The following UQCRC1 variants were observed in gnomAD, a reference collection of about 807,000 sequenced individuals.
UQCRC1 encodes the protein cytochrome b-c1 complex subunit 1, mitochondrial.
A neutral mutation model predicts 58.0 loss-of-function variants in UQCRC1; 34 were observed. That is an observed-to-expected ratio of 0.59 (90% CI 0.45 to 0.78). The LOEUF (loss-of-function observed/expected upper bound fraction) is 0.78. Ranked by LOEUF, UQCRC1 falls within the 30% of genes least tolerant of loss-of-function variation. UQCRC1 has a pLI of 0.00. For synonymous variants in UQCRC1, 276 were observed against 248.8 expected (o/e 1.11, Z -1.03); for missense variants, 610 against 646.0 (o/e 0.94, Z 0.60).
chr3:48,604,725 G>C lies in UQCRC1; in HGVS notation c.353C>G (p.Ala118Gly), dbSNP rs750704286. The C allele has an allele frequency of 6.2e-7, 1 of 1,614,080 alleles. No individual in the cohort carries two copies. The highest frequency in any genetic ancestry group is 1.1e-5 in the South Asian group (1 of 91,082). The change falls in exon 4 of 13, where the codon GCC (alanine) becomes GGC (glycine). Residue 118 changes from alanine to glycine, a missense_variant. Coordinates refer to ENST00000203407, the MANE Select transcript of UQCRC1 (RefSeq NM_003365.3). ...CCGGGTGCTGTAGGCATTAAGATGG[G>C]CCCCCATGCTCTCCACCTCCTTCTC... Reference protein sequence around the residue: ...ALEKEVESMGAHLNAYSTREH... With the variant: ...ALEKEVESMGGHLNAYSTREH...
intron 10 of UQCRC1, 123 bp downstream of exon 10, chr3:48,600,359 T>C (rs2046352606): frequency 1.3e-5 from 16 of 1,255,748 alleles, no homozygotes; most frequent in Admixed American, 1.9e-5. Context: ...GGTGGGGTGA[T>C]GGGGCATGGC....
At chr3:48,609,367 T>G in intron 1 of UQCRC1, 65 bp from the exon 2 acceptor site, 1 of 1,561,156 alleles carries the variant, frequency 6.4e-7, no homozygotes, top group African/African-American at 1.4e-5. Flanking sequence ...TCCCAGGTCC[T>G]CAGGAGGACC....
rs773347490 is a variant in UQCRC1, at chr3:48,600,555, A to T, written c.1140T>A (p.Cys380Ter). The change falls in exon 10 of 13, where the codon TGT (cysteine) becomes TGA (stop). Residue 380 changes from cysteine (C) to a stop codon, truncating the protein, a stop_gained. Coordinates refer to ENST00000203407, the MANE Select transcript of UQCRC1 (RefSeq NM_003365.3). LOFTEE classifies it high-confidence loss of function. ...FVLQGQWMRL[C>*]TSATESEVAR... ...CCACCTCACTCTCCGTGGCACTGGT[A>T]CACAGGCGCATCCTAAAGTGGGGGG... is the stretch of plus-strand genomic sequence containing the variant. 6.2e-7 allele frequency: 1 copy of T among 1,614,138 alleles called. No individual in the cohort carries two copies. Among genetic ancestry groups the T allele is most frequent in the Admixed American group, 1.7e-5 (1 of 60,012 alleles).
intron 6 of UQCRC1, among the ~76,000 whole-genome samples, chr3:48,603,220 C>T (rs574119576): frequency 1.3e-5 from 2 of 152,324 alleles, no homozygotes; most frequent in Admixed American, 1.3e-4. Context: ...CATGCATCAA[C>T]ACACAACTAA....
chr3:48,608,264 G>A (rs1193530418), intron 2 of UQCRC1, among the ~76,000 whole-genome samples: 5 of 152,214 alleles, frequency 3.3e-5, no homozygotes, highest in African/African-American at 7.2e-5. Context: ...CCTAAGAGAT[G>A]TCAATGCATA....
In UQCRC1 at chr3:48,604,279, C is replaced by T. The variant is rs1178544864; in HGVS notation, c.580G>A (p.Gly194Ser). Residue 194 changes from glycine to serine, a missense_variant, in exon 5 of 13, where the codon GGC (glycine) becomes AGC (serine). Gly to Ser is a moderately conservative substitution (Grantham distance 56). Coordinates refer to ENST00000203407, the MANE Select transcript of UQCRC1 (RefSeq NM_003365.3). ...TCCACAGCCTGGGCTAGAGGTGTGC[C>T]CTGGAATGCTGTGGCATGCAGGTAG... ...FNYLHATAFQ[G>S]TPLAQAVEGP... is the part of the protein sequence containing the mutation. 6.2e-7 allele frequency: 1 copy of T among 1,613,334 alleles called. No homozygotes were observed. The highest frequency in any genetic ancestry group is 8.5e-7 in the Non-Finnish European group (1 of 1,180,056).
chr3:48,608,198 G>A (rs1032415470), intron 2 of UQCRC1, among the ~76,000 whole-genome samples: 1 of 152,134 alleles, frequency 6.6e-6, no homozygotes, highest in Non-Finnish European at 1.5e-5. Flanking sequence ...CTCTACATCT[G>A]TATGTACGTA....
Position 48,600,836 on chromosome 3 carries a change from A to G in UQCRC1, c.971T>C (p.Leu324Pro), listed in dbSNP as rs1198770712. ...YDCTYGGGVHLSSPLASGAVA... is the reference protein window; with the variant it reads ...YDCTYGGGVHPSSPLASGAVA... The stretch of plus-strand genomic sequence containing the variant: ...AGCACCTGAAGCCAGTGGGCTGGAC[A>G]GGTGCTGCCAGGGGGATAGGTGGTC... The change falls in exon 9 of 13, where the codon CTG becomes CCG. Residue 324 changes from leucine to proline, a missense_variant. Leu to Pro is a moderately conservative substitution (Grantham distance 98, BLOSUM62 -3). Coordinates refer to ENST00000203407, the MANE Select transcript of UQCRC1 (RefSeq NM_003365.3). 6.2e-7 allele frequency: 1 copy of G among 1,613,764 alleles called. No homozygotes were observed. The highest frequency in any genetic ancestry group is 2.2e-5 in the East Asian group (1 of 44,904).
chr3:48,606,313 T>C lies in UQCRC1; in HGVS notation c.211-457A>G, dbSNP rs537203203. 2.0e-5 allele frequency among the ~76,000 whole-genome samples: 3 copies of C among 152,400 alleles called. No individual in the cohort carries two copies. In the South Asian group the frequency reaches 6.2e-4, roughly 32 times the overall value. ...TAAGGAAGGGACTATTGGTTTAGAC[T>C]GTATATTTTATCACACTAAATATTG... is the stretch of plus-strand genomic sequence containing the variant. On this transcript the variant is annotated intron_variant, in intron 2 of 12. Coordinates refer to ENST00000203407, the MANE Select transcript of UQCRC1 (RefSeq NM_003365.3).
intron 2 of UQCRC1, 28 bp downstream of exon 2, chr3:48,609,134 C>T: frequency 1.3e-6 from 2 of 1,585,238 alleles, no homozygotes; most frequent in Non-Finnish European, 1.7e-6. Flanking sequence ...ACCTGGAGGC[C>T]CTCTCCCCAA....
rs2046335397 is a variant in UQCRC1, at chr3:48,599,026, G to T, written c.*102C>A. 2.3e-6 allele frequency: 3 copies of T among 1,330,568 alleles called. No individual in the cohort carries two copies. In the Admixed American group the frequency reaches 5.7e-5, roughly 25 times the overall value. The allele number at this position is 1,330,568 out of a possible 1,614,324, so 82.4% of individuals were successfully genotyped here. On this transcript the variant is annotated 3_prime_UTR_variant, in exon 13 of 13. Coordinates refer to ENST00000203407, the MANE Select transcript of UQCRC1 (RefSeq NM_003365.3). Reference sequence around the variant, plus strand: ...CTTCTCAGCAGAGGATTTTATTGGTGGTCACCTGTGGCACAGGTTAGAGGA... The same window carrying T: ...CTTCTCAGCAGAGGATTTTATTGGTTGTCACCTGTGGCACAGGTTAGAGGA...
intron 2 of UQCRC1, among the ~76,000 whole-genome samples, chr3:48,608,602 G>A (rs544480197): frequency 3.7e-4 from 57 of 152,352 alleles, no homozygotes; most frequent in Middle Eastern, 6.8e-3. Flanking sequence ...CCTGGGGCTG[G>A]GGGCTGAAAG....
rs996602775 is a variant in UQCRC1, at chr3:48,609,105, G to A, written c.210+57C>T. 4.5e-5 allele frequency: 70 copies of A among 1,561,416 alleles called. No homozygotes were observed. In the Middle Eastern group the frequency reaches 1.0e-3, roughly 23 times the overall value. ...GAGCCCAAGGTCACACCCCAACCAGGGAAAAGACGGCAGGCCCAACCTGGA... is the reference window on the plus strand; with the variant it reads ...GAGCCCAAGGTCACACCCCAACCAGAGAAAAGACGGCAGGCCCAACCTGGA... On this transcript the variant is annotated intron_variant, in intron 2 of 12. Coordinates refer to ENST00000203407, the MANE Select transcript of UQCRC1 (RefSeq NM_003365.3).
At chr3:48,600,867 C>T in intron 8 of UQCRC1, 27 bp from the exon 9 acceptor site, 2 of 1,613,418 alleles carry the variant, frequency 1.2e-6, no homozygotes, top group Non-Finnish European at 1.7e-6. Context: ...TGGTCAGCAC[C>T]CACCCTCTTG....
At chr3:48,607,540 C>T (rs1178152463) in intron 2 of UQCRC1, among the ~76,000 whole-genome samples, 3 of 151,726 alleles carry the variant, frequency 2.0e-5, no homozygotes. Context: ...TCTATCCACA[C>T]CTGAAACTCC....
In UQCRC1 at chr3:48,599,632, T is replaced by A. The variant is rs766390057; in HGVS notation, c.1378+3A>T. 1 of 1,613,834 alleles carries A rather than the reference T, an allele frequency of 6.2e-7. No homozygotes were observed. The highest frequency in any genetic ancestry group is 8.5e-7 in the Non-Finnish European group (1 of 1,179,918). On this transcript the variant is annotated splice_donor_region_variant and intron_variant, in intron 12 of 12. Transcript: ENST00000203407. ...CAAAGAGCAGACCCCCTAGGCCACTTACCATATCCAGCCACTGCTGGGCAC... is the reference window on the plus strand; with the variant it reads ...CAAAGAGCAGACCCCCTAGGCCACTAACCATATCCAGCCACTGCTGGGCAC...
At chr3:48,609,457 G>A (rs2046445218) in intron 1 of UQCRC1, 95 bp downstream of exon 1, 2 of 1,519,778 alleles carry the variant, frequency 1.3e-6, no homozygotes, top group Non-Finnish European at 8.8e-7. Context: ...CTGACCCCGC[G>A]TCCTCCCCAC....
chr3:48,600,150 G>A lies in UQCRC1; in HGVS notation c.1215C>T (p.Gly405=). Residue 405 remains glycine, a splice_region_variant and synonymous_variant, in exon 11 of 13, where the codon GGC becomes GGT. Transcript: ENST00000203407. The part of the protein sequence containing the change: ...LRNALVSHLD[G]TTPVCEDIGR... ...CGATGTCCTCACACACAGGAGTAGT[G>A]CCTTTAAGGGTGAGAGAAGGCTCAG... 3 of 1,614,024 alleles carry A rather than the reference G, an allele frequency of 1.9e-6. No individual in the cohort carries two copies. The highest frequency in any genetic ancestry group is 2.5e-6 in the Non-Finnish European group (3 of 1,179,986).
At chr3:48,607,565 T>C (rs1347501770) in intron 2 of UQCRC1, among the ~76,000 whole-genome samples, 15 of 151,974 alleles carry the variant, frequency 9.9e-5, no homozygotes, top group South Asian at 4.2e-4. Context: ...TTTTCTTTTT[T>C]TTTTTTTTTA....
Sources: gnomAD v4.1 joint callset for allele counts (sites outside exome capture counted in the v4.1 genomes callset) on GRCh38, gnomAD v4.1.1 for gene constraint, MANE v1.5 for transcripts, NCBI Gene and HGNC (gene_info 2026-07-23, HGNC 2026-07-21) for gene names.